ASPRV1: variants seen among roughly 807,000 people sequenced by gnomAD.
ASPRV1 encodes aspartic peptidase retroviral like 1, also known as retroviral-like aspartic protease 1.
A neutral mutation model predicts 11.0 loss-of-function variants in ASPRV1; 7 were observed. The ratio of observed to expected loss-of-function variants is 0.64; its 90% CI spans 0.36 to 1.20. ASPRV1 has a LOEUF of 1.20. Ranked by LOEUF, ASPRV1 falls within the 50% of genes most tolerant of loss-of-function variation. The probability of loss-of-function intolerance (pLI) is 0.02; values close to 1 mark genes in which losing one functional copy is unlikely to be tolerated. For missense variants in ASPRV1, 299 were observed against 320.0 expected (o/e 0.93, Z 0.50); for synonymous variants, 136 against 138.4 (o/e 0.98, Z 0.12).
At chr2:69,997,862 A>T in the ASPRV1 span, 1 of 152,332 alleles carries the variant, frequency 6.6e-6, no homozygotes, top group Middle Eastern at 3.4e-3. Context: ...CCTCTTCCTC[A>T]TCGTTATTAA....
chr2:70,046,544 T>C, the ASPRV1 span: 1 of 152,188 alleles, frequency 6.6e-6, no homozygotes, highest in Non-Finnish European at 1.5e-5. Flanking sequence ...CAATTCAGGA[T>C]GGGAGTTCTT....
chr2:70,025,680 A>G, the ASPRV1 span, among the ~76,000 whole-genome samples: 3 of 152,184 alleles, frequency 2.0e-5, no homozygotes, highest in African/African-American at 7.2e-5. Context: ...ACCTTGCTCA[A>G]AGCCTGGAAG....
At chr2:70,063,366 C>CA in the ASPRV1 span, among the ~76,000 whole-genome samples, 2 of 152,186 alleles carry the variant, frequency 1.3e-5, no homozygotes, top group Admixed American at 1.3e-4. Context: ...GCCTCACTGA[C>CA]AGAGTCCCGT....
At chr2:70,018,296 AGATATGCT>A in the ASPRV1 span, among the ~76,000 whole-genome samples, 2 of 152,146 alleles carry the variant, frequency 1.3e-5, no homozygotes, top group Non-Finnish European at 2.9e-5. Flanking sequence ...AAACATGGAA[AGATATGCT>A]GTGTCCACGG....
At chr2:69,953,857 G>A in the ASPRV1 span, among the ~76,000 whole-genome samples, 12 of 149,740 alleles carry the variant, frequency 8.0e-5, no homozygotes, top group African/African-American at 1.5e-4. Context: ...ACAGGCACAC[G>A]CCACCATGCC....
At chr2:70,017,410 G>C in the ASPRV1 span, among the ~76,000 whole-genome samples, 1 of 152,190 alleles carries the variant, frequency 6.6e-6, no homozygotes, top group Admixed American at 6.5e-5. Context: ...GGTCATGTAC[G>C]ATAAGCCCAC....
chr2:69,981,027 T>C, the ASPRV1 span, among the ~76,000 whole-genome samples: 1 of 152,202 alleles, frequency 6.6e-6, no homozygotes, highest in Non-Finnish European at 1.5e-5. Flanking sequence ...CTGCCCACCT[T>C]GGCCTCCCAG....
chr2:70,049,092 G>T, the ASPRV1 span: 1 of 150,478 alleles, frequency 6.6e-6, no homozygotes, highest in East Asian at 2.0e-4. Context: ...CAATGTGCAG[G>T]TTAGTTACAT....
At chr2:69,949,884 C>A in the ASPRV1 span, among the ~76,000 whole-genome samples, 3 of 152,214 alleles carry the variant, frequency 2.0e-5, no homozygotes, top group African/African-American at 7.2e-5. Flanking sequence ...GGCACGATCT[C>A]AGCTCACTGC....
chr2:70,087,318 A>C, the ASPRV1 span: 2 of 151,854 alleles, frequency 1.3e-5, no homozygotes, highest in Non-Finnish European at 2.9e-5. Context: ...TCACTACTGC[A>C]GTGTCAGAAG....
the ASPRV1 span, chr2:69,943,009 G>A: frequency 4.6e-5 from 7 of 152,150 alleles, no homozygotes; most frequent in South Asian, 6.2e-4. Flanking sequence ...GCAGAACTGC[G>A]TTCATCAGAT....
the ASPRV1 span, chr2:70,028,262 G>T: frequency 6.6e-6 from 1 of 152,152 alleles, no homozygotes; most frequent in Non-Finnish European, 1.5e-5. Flanking sequence ...GGTAGGTGTG[G>T]AAATAGATGG....
At chr2:70,003,734 TC>T in the ASPRV1 span, among the ~76,000 whole-genome samples, 1 of 152,194 alleles carries the variant, frequency 6.6e-6, no homozygotes, top group African/African-American at 2.4e-5. Flanking sequence ...TCAATGTTTC[TC>T]CCAGAAAGCA....
chr2:69,985,823 A>T, the ASPRV1 span, among the ~76,000 whole-genome samples: 2 of 152,126 alleles, frequency 1.3e-5, no homozygotes, highest in African/African-American at 2.4e-5. Context: ...CAGACATGGA[A>T]CCCAGCCCTG....
chr2:69,983,562 C>G, the ASPRV1 span, among the ~76,000 whole-genome samples: 1 of 151,996 alleles, frequency 6.6e-6, no homozygotes, highest in African/African-American at 2.4e-5. Flanking sequence ...CTGGGCTGGG[C>G]TGGATGTGGC....
the ASPRV1 span, among the ~76,000 whole-genome samples, chr2:70,075,585 G>A: frequency 7.9e-5 from 12 of 152,072 alleles, no homozygotes; most frequent in African/African-American, 2.4e-4. Context: ...AGTGGCTCAC[G>A]CCTGTAATCC....
At position 69,961,525 on chromosome 2, in the gene ASPRV1, G is replaced by C. The variant is rs369563194; in HGVS notation, c.-89C>G. 2 of 1,614,012 alleles carry C rather than the reference G, an allele frequency of 1.2e-6. No individual in the cohort carries two copies. The highest frequency in any genetic ancestry group is 8.5e-7 in the Non-Finnish European group (1 of 1,180,032). ...TGTCGGCGCAATCACGCTGGAAAAC[G>C]GGGCCTCTCGAAGCAGAGTGGGGAT... On this transcript the variant is annotated 5_prime_UTR_variant, in exon 1 of 1. Coordinates refer to ENST00000320256, the MANE Select transcript of ASPRV1 (RefSeq NM_152792.4).
the ASPRV1 span, among the ~76,000 whole-genome samples, chr2:70,036,026 C>T: frequency 6.6e-6 from 1 of 150,570 alleles, no homozygotes; most frequent in Non-Finnish European, 1.5e-5. Flanking sequence ...GGCTGAATAT[C>T]TGAGTTTGAA....
the ASPRV1 span, among the ~76,000 whole-genome samples, chr2:70,071,061 A>G: frequency 6.6e-6 from 1 of 152,196 alleles, no homozygotes; most frequent in African/African-American, 2.4e-5. Flanking sequence ...ATAAACTTCC[A>G]GCCATTTTGT....
Sources: gnomAD v4.1 joint callset for allele counts (sites outside exome capture counted in the v4.1 genomes callset) on GRCh38, gnomAD v4.1.1 for gene constraint, MANE v1.5 for transcripts, NCBI Gene and HGNC (gene_info 2026-07-23, HGNC 2026-07-21) for gene names.